THRAP3: variants seen among roughly 807,000 people sequenced by gnomAD.
THRAP3 encodes thyroid hormone receptor-associated protein 3.
A neutral mutation model predicts 101.0 loss-of-function variants in THRAP3; 16 were observed. The observed-to-expected ratio is 0.16, with a 90% CI of 0.11 to 0.24. The LOEUF (loss-of-function observed/expected upper bound fraction) is 0.24. THRAP3 is among the 10% of genes least tolerant of loss of function. The pLI is 1.00. For missense variants in THRAP3, 989 were observed against 1,202.7 expected (o/e 0.82, Z 2.63); for synonymous variants, 407 against 422.6 (o/e 0.96, Z 0.45).
upstream of THRAP3, among the ~76,000 whole-genome samples, chr1:36,220,972 A>AT (rs1553189233): frequency 0.011 from 1,007 of 93,930 alleles, 6 homozygotes; most frequent in Non-Finnish European, 0.014. Context: ...AAAAAAAAAA[A>AT]ATATATATAT....
intron 10 of THRAP3, among the ~76,000 whole-genome samples, chr1:36,301,340 T>G (rs1646028315): frequency 6.6e-6 from 1 of 152,184 alleles, no homozygotes; most frequent in Admixed American, 6.5e-5. Context: ...CTACTGCTGT[T>G]TATAGGGAGG....
chr1:36,250,396 T>G (rs530410426), intron 1 of THRAP3, among the ~76,000 whole-genome samples: 1 of 152,022 alleles, frequency 6.6e-6, no homozygotes, highest in South Asian at 2.1e-4. Flanking sequence ...GTATTTTTAG[T>G]AGAGACCAGG....
At chr1:36,250,713 AC>A (rs1437379398) in intron 1 of THRAP3, among the ~76,000 whole-genome samples, 6 of 150,660 alleles carry the variant, frequency 4.0e-5, no homozygotes, top group Non-Finnish European at 8.9e-5. Context: ...GGAGTTCGAG[AC>A]CAGCCTGGCC....
intron 1 of THRAP3, among the ~76,000 whole-genome samples, chr1:36,258,418 A>AT (rs763645287): frequency 5.3e-5 from 8 of 152,214 alleles, no homozygotes; most frequent in African/African-American, 1.2e-4. Flanking sequence ...CGACATTGTT[A>AT]TTTGGTAAAG....
chr1:36,241,324 C>A (rs1478072108), intron 1 of THRAP3, among the ~76,000 whole-genome samples: 2 of 147,826 alleles, frequency 1.4e-5, no homozygotes, highest in Non-Finnish European at 3.0e-5. Context: ...AATGACAGTG[C>A]CCTAATGAGA....
In THRAP3 at chr1:36,273,439, G is replaced by T. The variant is rs143215187; in HGVS notation, c.-31-9094G>T. Among the ~76,000 whole-genome samples, 9 of 152,176 alleles carry T rather than the reference G, an allele frequency of 5.9e-5. No individual in the cohort carries two copies. In the East Asian group the frequency reaches 1.7e-3, roughly 29 times the overall value. On this transcript the variant is annotated intron_variant, in intron 2 of 11. Transcript: ENST00000354618. Reference sequence around the variant, plus strand: ...GGGAATTTCCTCAATATGATAAAGGGCATCTATGAAAAATTTACAGCTAAC... The same window carrying T: ...GGGAATTTCCTCAATATGATAAAGGTCATCTATGAAAAATTTACAGCTAAC...
chr1:36,230,243 C>T (rs1019135940), intron 1 of THRAP3, among the ~76,000 whole-genome samples: 7 of 151,990 alleles, frequency 4.6e-5, no homozygotes, highest in East Asian at 3.9e-4. Context: ...CTCAGCCTCC[C>T]GAGTAGCTGG....
At chr1:36,277,714 CA>C (rs1356933938) in intron 2 of THRAP3, among the ~76,000 whole-genome samples, 1 of 151,944 alleles carries the variant, frequency 6.6e-6, no homozygotes, top group African/African-American at 2.4e-5. Flanking sequence ...GGTGAAAAAC[CA>C]AATGAGTTTT....
At chr1:36,273,258 C>T (rs928457436) in intron 2 of THRAP3, among the ~76,000 whole-genome samples, 2 of 152,192 alleles carry the variant, frequency 1.3e-5, no homozygotes, top group Non-Finnish European at 1.5e-5. Flanking sequence ...GTAGAGACTT[C>T]GTCCTGAGGC....
chr1:36,266,235 C>T (rs1420498633), intron 2 of THRAP3, among the ~76,000 whole-genome samples: 2 of 151,510 alleles, frequency 1.3e-5, no homozygotes, highest in Admixed American at 6.6e-5. Flanking sequence ...GGGAGGATTG[C>T]TTGAGCCCAA....
At chr1:36,231,260 C>T (rs1645024772) in intron 1 of THRAP3, among the ~76,000 whole-genome samples, 1 of 152,160 alleles carries the variant, frequency 6.6e-6, no homozygotes, top group African/African-American at 2.4e-5. Context: ...AGGGGGAACC[C>T]CCAAAACACT....
upstream of THRAP3, among the ~76,000 whole-genome samples, chr1:36,223,921 G>A (rs765609846): frequency 9.2e-5 from 14 of 152,220 alleles, no homozygotes; most frequent in Non-Finnish European, 1.9e-4. Context: ...CTTTGTCGGA[G>A]CCTGGCAACA....
At chr1:36,208,967 T>C in the THRAP3 span, among the ~76,000 whole-genome samples, 2 of 12,020 alleles carry the variant, frequency 1.7e-4, no homozygotes, top group African/African-American at 1.0e-3. Flanking sequence ...ATGTCCAGCC[T>C]TTTTTTTTTT....
the THRAP3 span, among the ~76,000 whole-genome samples, chr1:36,216,451 C>G: frequency 1.4e-5 from 2 of 145,264 alleles, no homozygotes; most frequent in African/African-American, 2.6e-5. Context: ...ATACGGAGAT[C>G]GCGCACTGCA....
the THRAP3 span, among the ~76,000 whole-genome samples, chr1:36,214,394 T>C: frequency 6.6e-6 from 1 of 152,292 alleles, no homozygotes; most frequent in Non-Finnish European, 1.5e-5. Context: ...CTAAATGTCC[T>C]CTGTTTTTTG....
intron 2 of THRAP3, among the ~76,000 whole-genome samples, chr1:36,259,931 G>C (rs894355810): frequency 1.3e-5 from 2 of 151,980 alleles, no homozygotes; most frequent in Non-Finnish European, 2.9e-5. Context: ...TATGTTACTT[G>C]GATATATACT....
chr1:36,293,026 G>GTTTTTTTTTTTTTTTT (rs1557454287), intron 7 of THRAP3, among the ~76,000 whole-genome samples: 1 of 19,688 alleles, frequency 5.1e-5, no homozygotes, highest in Non-Finnish European at 1.6e-4. Context: ...TTCTTTTCTT[G>GTTTTTTTTTTTTTTTT]TCTTTTTTTT....
At chr1:36,291,275 A>G in intron 5 of THRAP3, 99 bp from the exon 6 acceptor site, 1 of 1,269,458 alleles carries the variant, frequency 7.9e-7, no homozygotes, top group Non-Finnish European at 1.1e-6. Flanking sequence ...AAAGAAGTTT[A>G]TAGATAGATT....
chr1:36,256,878 C>T (rs1243688479), intron 1 of THRAP3, among the ~76,000 whole-genome samples: 1 of 152,022 alleles, frequency 6.6e-6, no homozygotes, highest in East Asian at 1.9e-4. Flanking sequence ...TCACCACAAC[C>T]TCTGCCTCCC....
Sources: allele counts gnomAD v4.1 joint callset (sites outside exome capture counted in the v4.1 genomes callset), GRCh38; gene constraint gnomAD v4.1.1; transcripts MANE v1.5; gene names NCBI Gene and HGNC (gene_info 2026-07-23, HGNC 2026-07-21).